Variants in CACNA2D3 observed in about 807,000 individuals in gnomAD.
The protein encoded by CACNA2D3 is calcium voltage-gated channel auxiliary subunit alpha2delta 3, also known as voltage-dependent calcium channel subunit alpha-2/delta-3.
A neutral mutation model predicts 160.6 loss-of-function variants in CACNA2D3; 60 were observed. The ratio of observed to expected loss-of-function variants is 0.37; its 90% CI spans 0.30 to 0.46. The LOEUF (loss-of-function observed/expected upper bound fraction) is 0.46, where lower values mean the gene tolerates loss of function less well. Among genes scored for constraint, CACNA2D3 ranks in the 20% least tolerant of loss-of-function variants. The probability of loss-of-function intolerance (pLI) is 1.00; values close to 1 mark genes in which losing one functional copy is unlikely to be tolerated. For synonymous variants in CACNA2D3, 558 were observed against 492.9 expected, an observed-to-expected ratio of 1.13 and a Z score of -1.75; for missense variants, 1,205 against 1,365.0, an observed-to-expected ratio of 0.88 and a Z score of 1.85.
intron 2 of CACNA2D3, among the ~76,000 whole-genome samples, chr3:54,250,489 G>A (rs984090376): frequency 1.3e-5 from 2 of 151,836 alleles, no homozygotes; most frequent in East Asian, 3.9e-4. Flanking sequence ...ACTGGAGTGC[G>A]GTGATATGAT....
chr3:54,719,029 G>T (rs1023593328), intron 11 of CACNA2D3, among the ~76,000 whole-genome samples: 1 of 151,910 alleles, frequency 6.6e-6, no homozygotes, highest in African/African-American at 2.4e-5. Flanking sequence ...TTACTGAAAA[G>T]GGTTAATGAT....
chr3:54,916,259 A>C (rs1559627361), intron 27 of CACNA2D3, among the ~76,000 whole-genome samples: 5 of 152,202 alleles, frequency 3.3e-5, no homozygotes, highest in African/African-American at 1.2e-4. Context: ...GACAAGGTAT[A>C]AAAACGTATA....
chr3:54,874,356 C>T (rs549494065), intron 18 of CACNA2D3, among the ~76,000 whole-genome samples: 1 of 152,102 alleles, frequency 6.6e-6, no homozygotes, highest in East Asian at 1.9e-4. Context: ...CATGCATAGC[C>T]CAGTCTGAAT....
intron 4 of CACNA2D3, among the ~76,000 whole-genome samples, chr3:54,472,218 C>G (rs1330036289): frequency 4.6e-5 from 7 of 152,206 alleles, no homozygotes; most frequent in Admixed American, 6.5e-5. Flanking sequence ...TTGGCTTCAT[C>G]CCTGGGATGC....
chr3:54,567,437 T>C (rs1294927273), intron 6 of CACNA2D3, among the ~76,000 whole-genome samples: 1 of 152,216 alleles, frequency 6.6e-6, no homozygotes, highest in African/African-American at 2.4e-5. Context: ...TCTGGACTTT[T>C]TGCTTTCAAG....
chr3:55,017,404 A>G (rs1703348447), intron 34 of CACNA2D3, among the ~76,000 whole-genome samples: 1 of 152,226 alleles, frequency 6.6e-6, no homozygotes, highest in Non-Finnish European at 1.5e-5. Context: ...TGGCTTCATT[A>G]GAATGCTACC....
At position 54,286,608 on chromosome 3, in the gene CACNA2D3, A is replaced by G. The variant is rs537436485; in HGVS notation, c.205-33834A>G. On this transcript the variant is annotated intron_variant, in intron 2 of 37. Coordinates refer to ENST00000474759, the MANE Select transcript of CACNA2D3 (RefSeq NM_018398.3). Reference sequence around the variant, plus strand: ...ACAAAGATATTCCTCGAGAAGAGCAACTCCAAGACACATAATTGTCAGATT... The same window carrying G: ...ACAAAGATATTCCTCGAGAAGAGCAGCTCCAAGACACATAATTGTCAGATT... 9.2e-5 allele frequency among the ~76,000 whole-genome samples: 14 copies of G among 152,284 alleles called. No individual in the cohort carries two copies. In the East Asian group the frequency reaches 2.5e-3, roughly 27 times the overall value.
chr3:54,208,761 T>G (rs567287795), intron 2 of CACNA2D3, among the ~76,000 whole-genome samples: 1 of 152,230 alleles, frequency 6.6e-6, no homozygotes, highest in Admixed American at 6.5e-5. Context: ...TTTTTTCAAT[T>G]ATCACAATGT....
At chr3:54,203,254 C>G (rs1479276890) in intron 2 of CACNA2D3, among the ~76,000 whole-genome samples, 1 of 152,182 alleles carries the variant, frequency 6.6e-6, no homozygotes, top group East Asian at 1.9e-4. Context: ...CCTTGTCCCC[C>G]TCGCAGGGCG....
chr3:54,786,470 A>G (rs1347394252), intron 13 of CACNA2D3, among the ~76,000 whole-genome samples: 1 of 152,148 alleles, frequency 6.6e-6, no homozygotes, highest in Non-Finnish European at 1.5e-5. Flanking sequence ...CACTGGCTCC[A>G]TGGGCCAGTT....
intron 3 of CACNA2D3, among the ~76,000 whole-genome samples, chr3:54,324,298 T>G (rs989720539): frequency 6.6e-6 from 1 of 152,200 alleles, no homozygotes; most frequent in African/African-American, 2.4e-5. Flanking sequence ...TGAATTACTC[T>G]CCACTATGCA....
intron 4 of CACNA2D3, among the ~76,000 whole-genome samples, chr3:54,390,306 G>A (rs1478097079): frequency 6.6e-6 from 1 of 152,110 alleles, no homozygotes; most frequent in South Asian, 2.1e-4. Flanking sequence ...TAAAATTCTG[G>A]TGTAGCACAA....
rs187001710 is a variant in CACNA2D3 at position 55,031,942 on chromosome 3, C to T, written c.2987+13625C>T. 1.7e-4 allele frequency among the ~76,000 whole-genome samples: 26 copies of T among 152,278 alleles called. 1 individual carries two copies. The highest frequency in any genetic ancestry group is 6.2e-4 in the South Asian group (3 of 4,832). ...TTTAGAAAACAAATTATATATTTCA[C>T]GAGTGATTCCATTTCTATTGAAGTA... On this transcript the variant is annotated intron_variant, in intron 35 of 37. Transcript: ENST00000474759.
intron 35 of CACNA2D3, among the ~76,000 whole-genome samples, chr3:55,061,006 G>A (rs1267887679): frequency 1.3e-5 from 2 of 152,148 alleles, no homozygotes; most frequent in Non-Finnish European, 2.9e-5. Context: ...TCAAGCTGTA[G>A]GTCGGCACCA....
At chr3:54,632,395 C>G (rs1002552316) in intron 10 of CACNA2D3, 1 of 152,154 alleles carries the variant, frequency 6.6e-6, no homozygotes, top group African/African-American at 2.4e-5. Context: ...CTTGAAGCTT[C>G]TGTGACCTGA....
Position 54,138,942 on chromosome 3 carries a change from T to C in CACNA2D3, c.204+15348T>C, listed in dbSNP as rs542743380. ...TCTGTATTTGGATCCCTTTTCTTTT[T>C]GTTGTTTGGGCAGGATGTGGTTGGA... On this transcript the variant is annotated intron_variant, in intron 2 of 37. Transcript: ENST00000474759. Among the ~76,000 whole-genome samples the C allele has an allele frequency of 8.5e-5, 13 of 152,344 alleles. No individual in the cohort carries two copies. The South Asian group carries it at 2.3e-3, about 27-fold the overall frequency.
intron 2 of CACNA2D3, among the ~76,000 whole-genome samples, chr3:54,260,266 A>T (rs1702379558): frequency 1.3e-5 from 2 of 152,292 alleles, no homozygotes; most frequent in Admixed American, 1.3e-4. Context: ...GGCCCCAAGG[A>T]TGTGTCTCTG....
At chr3:54,925,894 G>T (rs1159898104) in intron 27 of CACNA2D3, among the ~76,000 whole-genome samples, 1 of 152,206 alleles carries the variant, frequency 6.6e-6, no homozygotes, top group Non-Finnish European at 1.5e-5. Context: ...GTAATTCCAT[G>T]AACAAGGATA....
intron 2 of CACNA2D3, among the ~76,000 whole-genome samples, chr3:54,247,658 G>A (rs2107417891): frequency 6.6e-6 from 1 of 152,304 alleles, no homozygotes; most frequent in South Asian, 2.1e-4. Context: ...AAGATAGGCA[G>A]AGGAGAGCTT....
Sources: allele counts gnomAD v4.1 joint callset (sites outside exome capture counted in the v4.1 genomes callset), GRCh38; gene constraint gnomAD v4.1.1; transcripts MANE v1.5; gene names NCBI Gene and HGNC (gene_info 2026-07-23, HGNC 2026-07-21).